NECTIN4: variants seen among roughly 807,000 people sequenced by gnomAD.
NECTIN4 encodes the protein nectin cell adhesion molecule 4.
Under a neutral mutation model 51.7 loss-of-function variants are expected in NECTIN4, and 19 were observed. The ratio of observed to expected loss-of-function variants is 0.37; its 90% CI spans 0.26 to 0.54. NECTIN4 has a LOEUF of 0.54. Ranked by LOEUF, NECTIN4 falls within the 20% of genes least tolerant of loss-of-function variation. The pLI, the probability that NECTIN4 is intolerant of heterozygous loss-of-function variation, is 0.86. For missense variants in NECTIN4, 619 were observed against 662.4 expected, an observed-to-expected ratio of 0.93 and a Z score of 0.72; for synonymous variants, 283 against 286.9, an observed-to-expected ratio of 0.99 and a Z score of 0.14.
At chr1:161,076,304 A>G in intron 4 of NECTIN4, 51 bp downstream of exon 4, 2 of 1,610,960 alleles carry the variant, frequency 1.2e-6, no homozygotes, top group South Asian at 2.2e-5. Context: ...TGGCCCTGAG[A>G]GGGGAGGAAC....
chr1:161,077,271 A>G (rs182745882), intron 3 of NECTIN4, among the ~76,000 whole-genome samples, 182 bp downstream of exon 3: 2 of 152,320 alleles, frequency 1.3e-5, no homozygotes, highest in East Asian at 3.9e-4. Context: ...AGAAGCTCAG[A>G]GAGGTCTATC....
chr1:161,072,670 G>C lies in NECTIN4; in HGVS notation c.1524C>G (p.His508Gln). The change falls in exon 9 of 9, where the codon CAC becomes CAG. Residue 508 changes from histidine to glutamine, a missense_variant. Physicochemically the swap from His to Gln is conservative, Grantham distance 24. Around this residue, in one of 3 missense-constraint regions of NECTIN4, gnomAD observed 364 missense variants for 415.7 expected, o/e 0.88. Coordinates refer to ENST00000368012, the MANE Select transcript of NECTIN4 (RefSeq NM_030916.3). ...GGGAGGCAGGCCTGGGTCAGACCAG[G>C]TGTCCCCGCCCATTGATGTAGATGC... ...GNGIYINGRG[H>Q]LV 1 of 1,613,956 alleles carries C rather than the reference G, an allele frequency of 6.2e-7. No homozygotes were observed. The highest frequency in any genetic ancestry group is 1.1e-5 in the South Asian group (1 of 91,080).
At chr1:161,074,821 G>C in intron 4 of NECTIN4, 62 bp from the exon 5 acceptor site, 1 of 1,560,576 alleles carries the variant, frequency 6.4e-7, no homozygotes, top group Non-Finnish European at 8.7e-7. Flanking sequence ...ACCACCCAAC[G>C]TGTCCAGACA....
chr1:161,073,870 T>C, intron 6 of NECTIN4, 75 bp from the exon 7 acceptor site: 2 of 1,366,724 alleles, frequency 1.5e-6, no homozygotes, highest in South Asian at 1.2e-5. Context: ...TGGCTGAGCC[T>C]AGTGAGACAG....
In NECTIN4 at chr1:161,072,869, C is replaced by T; in HGVS notation, c.1325G>A (p.Gly442Asp). Reference protein sequence around the residue: ...SCSVMSEEPEGRSYSTLTTVR... With the variant: ...SCSVMSEEPEDRSYSTLTTVR... Reference sequence around the variant, plus strand: ...CGTGGTCAGCGTGGAGTAACTGCGGCCCTCGGGCTCTTCACTCTGGAGACC... The same window carrying T: ...CGTGGTCAGCGTGGAGTAACTGCGGTCCTCGGGCTCTTCACTCTGGAGACC... The change falls in exon 9 of 9, where the codon GGC (glycine) becomes GAC (aspartate). Residue 442 changes from glycine to aspartate, a missense_variant. Around this residue, in one of 3 missense-constraint regions of NECTIN4, gnomAD observed 364 missense variants for 415.7 expected, o/e 0.88. Coordinates refer to ENST00000368012, the MANE Select transcript of NECTIN4 (RefSeq NM_030916.3). The T allele has an allele frequency of 6.2e-7, 1 of 1,613,262 alleles. No homozygotes were observed. Among genetic ancestry groups the T allele is most frequent in the Non-Finnish European group, 8.5e-7 (1 of 1,179,660 alleles).
chr1:161,074,164 C>G, intron 6 of NECTIN4, 53 bp downstream of exon 6: 2 of 1,610,686 alleles, frequency 1.2e-6, no homozygotes, highest in South Asian at 2.2e-5. Flanking sequence ...TCCTGCTATC[C>G]TCTTCTTTGT....
intron 3 of NECTIN4, among the ~76,000 whole-genome samples, chr1:161,076,843 T>C (rs944336903): frequency 6.6e-6 from 1 of 152,238 alleles, no homozygotes; most frequent in African/African-American, 2.4e-5. Flanking sequence ...ATCCTACTAG[T>C]TCATTCATTT....
At chr1:161,080,373 A>C (rs1653625267) in intron 1 of NECTIN4, among the ~76,000 whole-genome samples, 1 of 152,212 alleles carries the variant, frequency 6.6e-6, no homozygotes, top group Non-Finnish European at 1.5e-5. Flanking sequence ...ACAAACTTTC[A>C]GAAGAGGTTC....
In NECTIN4 at chr1:161,072,564, G is replaced by A. The variant is rs569752525; in HGVS notation, c.*97C>T. 4.2e-5 allele frequency: 43 copies of A among 1,015,388 alleles called. No individual in the cohort carries two copies. In the East Asian group the frequency reaches 6.5e-4, roughly 15 times the overall value. The allele number at this position is 1,015,388 out of a possible 1,614,324, so 62.9% of individuals were successfully genotyped here. ...GTCAGTGGGATGGGGAGCATCTTCCGCAAGAAATGGGGGTGTTTAAGGAGG... is the reference window on the plus strand; with the variant it reads ...GTCAGTGGGATGGGGAGCATCTTCCACAAGAAATGGGGGTGTTTAAGGAGG... On this transcript the variant is annotated 3_prime_UTR_variant, in exon 9 of 9. Coordinates refer to ENST00000368012, the MANE Select transcript of NECTIN4 (RefSeq NM_030916.3).
In NECTIN4 at chr1:161,079,896, C is replaced by G. The variant is rs768488852; in HGVS notation, c.133G>C (p.Gly45Arg). 5.6e-6 allele frequency: 9 copies of G among 1,613,308 alleles called. No individual in the cohort carries two copies. Among genetic ancestry groups the G allele is most frequent in the Admixed American group, 1.7e-5 (1 of 60,008 alleles). Residue 45 changes from glycine (G) to arginine (R), a missense_variant, in exon 2 of 9, where the codon GGC (glycine) becomes CGC (arginine). Gly to Arg is a moderately radical substitution (Grantham distance 125, BLOSUM62 -2). Coordinates refer to ENST00000368012, the MANE Select transcript of NECTIN4 (RefSeq NM_030916.3). ...ETSDVVTVVL[G>R]QDAKLPCFYR... ...AAGCAGGGCAGTTTTGCGTCCTGGC[C>G]CAGCACCACAGTTACCACGTCTGAG... is the stretch of plus-strand genomic sequence containing the variant.
chr1:161,084,685 A>G (rs1653845827), intron 1 of NECTIN4: 1 of 151,766 alleles, frequency 6.6e-6, no homozygotes, highest in Non-Finnish European at 1.5e-5. Context: ...CCTTCTCACC[A>G]CTACCCCCAG....
chr1:161,089,088 GATCCT>G lies in NECTIN4; in HGVS notation c.79+125_79+129del. On this transcript the variant is annotated intron_variant, in intron 1 of 8. Transcript: ENST00000368012. This position sits in a 1 kb window ranked among gnomAD's most constrained non-coding sequence, Gnocchi z 4.1. ...TGGAAGCTGGGGGCAGGAGAGACTG[GATCCT>G]CAGTTCAGAGTCAAAGAAAGGAGGA... is the stretch of plus-strand genomic sequence containing the variant. 1 of 884,384 alleles carries G rather than the reference GATCCT, an allele frequency of 1.1e-6. No individual in the cohort carries two copies. Among genetic ancestry groups the G allele is most frequent in the Non-Finnish European group, 1.9e-6 (1 of 529,934 alleles). The allele number at this position is 884,384 out of a possible 1,614,324, so 54.8% of individuals were successfully genotyped here.
chr1:161,077,569 G>A lies in NECTIN4; in HGVS notation c.614C>T (p.Thr205Ile). Residue 205 changes from threonine to isoleucine, a missense_variant, in exon 3 of 9, where the codon ACC (threonine) becomes ATC (isoleucine). Around this residue, in one of 3 missense-constraint regions of NECTIN4, gnomAD observed 364 missense variants for 415.7 expected, o/e 0.88. Coordinates refer to ENST00000368012, the MANE Select transcript of NECTIN4 (RefSeq NM_030916.3). The stretch of plus-strand genomic sequence containing the variant: ...GCTAGGCACCAAGTGGAACTCTGAG[G>A]TGACGGCAGCAGAGCGGGAGTGCTT... The part of the protein sequence containing the change: ...SFKHSRSAAV[T>I]SEFHLVPSRS... 2.5e-6 allele frequency: 4 copies of A among 1,614,008 alleles called. No homozygotes were observed. The highest frequency in any genetic ancestry group is 3.4e-6 in the Non-Finnish European group (4 of 1,180,036).
chr1:161,083,088 T>C (rs1017725214), intron 1 of NECTIN4, among the ~76,000 whole-genome samples: 1 of 152,182 alleles, frequency 6.6e-6, no homozygotes, highest in African/African-American at 2.4e-5. Context: ...ATCCTCCATG[T>C]TCTCACCTGT....
intron 2 of NECTIN4, among the ~76,000 whole-genome samples, chr1:161,079,353 A>C (rs1025067387): frequency 9.9e-5 from 15 of 152,248 alleles, no homozygotes; most frequent in African/African-American, 3.1e-4. Flanking sequence ...AGGGAGTTTC[A>C]TGTCGTCGGA....
rs144636735 is a variant in NECTIN4 at position 161,071,073 on chromosome 1, T to C, written c.*1588A>G. 5 of 152,296 alleles carry C rather than the reference T, an allele frequency of 3.3e-5. No homozygotes were observed. The highest frequency in any genetic ancestry group is 3.9e-4 in the East Asian group (2 of 5,184). The allele number at this position is 152,296 out of a possible 1,614,324, so 9.4% of individuals were successfully genotyped here. A position where few individuals can be genotyped will look rare whatever the true frequency, so the allele number is the denominator to read the frequency against. ...TGCACATATTTACATAAAATGTACA[T>C]GTTAGGATCTTAGATCTTCAGGCTC... On this transcript the variant is annotated 3_prime_UTR_variant, in exon 9 of 9. Transcript: ENST00000368012.
rs200740707 is a variant in NECTIN4 at position 161,074,335 on chromosome 1, A to G, written c.1039T>C (p.Ser347Pro). ...ACACCCACCACCACCACCGAGGCTG[A>G]CACTAGGTCCACCTGCTTCCCAGAG... Reference protein sequence around the residue: ...EDSGKQVDLVSASVVVVGVIA... With the variant: ...EDSGKQVDLVPASVVVVGVIA... Residue 347 changes from serine (S) to proline (P), a missense_variant, in exon 6 of 9, where the codon TCA (serine) becomes CCA (proline). By Grantham distance (74) the Ser-to-Pro change is moderately conservative. This residue lies in a region of NECTIN4 where 364 missense variants were observed against 415.7 expected (regional missense o/e 0.88). Coordinates refer to ENST00000368012, the MANE Select transcript of NECTIN4 (RefSeq NM_030916.3). 34 of 1,613,876 alleles carry G rather than the reference A, an allele frequency of 2.1e-5. No individual in the cohort carries two copies. The highest frequency in any genetic ancestry group is 3.4e-6 in the Non-Finnish European group (4 of 1,179,986).
In NECTIN4 at chr1:161,074,263, T is replaced by G. The variant is rs1386219026; in HGVS notation, c.1111A>C (p.Met371Leu). ...GCCTTGCGCCGATGGTATCGGGACA[T>G]GAGCACCACCACCACCACCAGAAGG... ...FCLLVVVVVL[M>L]SRYHRRKAQQ... The change falls in exon 6 of 9, where the codon ATG becomes CTG. Residue 371 changes from methionine (M) to leucine (L), a missense_variant. Coordinates refer to ENST00000368012, the MANE Select transcript of NECTIN4 (RefSeq NM_030916.3). 1 of 1,614,074 alleles carries G rather than the reference T, an allele frequency of 6.2e-7. No individual in the cohort carries two copies. The highest frequency in any genetic ancestry group is 8.5e-7 in the Non-Finnish European group (1 of 1,180,010).
Position 161,079,610 on chromosome 1 carries a change from C to A in NECTIN4, c.419G>T (p.Arg140Leu). The A allele has an allele frequency of 6.2e-7, 1 of 1,604,804 alleles. No homozygotes were observed. The highest frequency in any genetic ancestry group is 8.5e-7 in the Non-Finnish European group (1 of 1,179,620). Residue 140 changes from arginine (R) to leucine (L), a missense_variant, in exon 2 of 9, where the codon CGG becomes CTG. Around this residue, in one of 3 missense-constraint regions of NECTIN4, gnomAD observed 218 missense variants for 186.3 expected, o/e 1.17. Coordinates refer to ENST00000368012, the MANE Select transcript of NECTIN4 (RefSeq NM_030916.3). ...STFPAGSFQARLRLRVLVPPL... is the reference protein window; with the variant it reads ...STFPAGSFQALLRLRVLVPPL... Reference sequence around the variant, plus strand: ...CTTACCCAGCACTCGGAGCCGCAGCCGCGCCTGGAAGCTGCCGGCGGGGAA... The same window carrying A: ...CTTACCCAGCACTCGGAGCCGCAGCAGCGCCTGGAAGCTGCCGGCGGGGAA...
Sources: gnomAD v4.1 joint callset for allele counts (sites outside exome capture counted in the v4.1 genomes callset) on GRCh38, gnomAD v4.1.1 for gene constraint, gnomAD v4.1.1 regional missense constraint, Gnocchi (gnomAD v3.1) non-coding constraint, MANE v1.5 for transcripts, NCBI Gene and HGNC (gene_info 2026-07-23, HGNC 2026-07-21) for gene names.